The following RELN variants were observed in gnomAD, a reference collection of about 807,000 sequenced individuals.
RELN encodes reelin.
In RELN, 108 loss-of-function variants were observed where a neutral mutation model predicts 427.6. That is an observed-to-expected ratio of 0.25 (90% CI 0.22 to 0.30). The LOEUF (loss-of-function observed/expected upper bound fraction) is 0.30. Ranked by LOEUF, RELN falls within the 10% of genes least tolerant of loss-of-function variation. The probability of loss-of-function intolerance (pLI) is 1.00; values close to 1 mark genes in which losing one functional copy is unlikely to be tolerated. For missense variants in RELN, 3,715 were observed against 4,302.8 expected, an observed-to-expected ratio of 0.86 and a Z score of 3.82; for synonymous variants, 1,524 against 1,513.4, an observed-to-expected ratio of 1.01 and a Z score of -0.16.
intron 8 of RELN, among the ~76,000 whole-genome samples, chr7:103,706,576 A>T (rs554783356): frequency 6.6e-6 from 1 of 152,274 alleles, no homozygotes; most frequent in South Asian, 2.1e-4. Flanking sequence ...ATATAAACCC[A>T]TGCTTTCGAC....
At chr7:103,547,766 CA>C (rs1830331110) in intron 41 of RELN, among the ~76,000 whole-genome samples, 2 of 152,198 alleles carry the variant, frequency 1.3e-5, no homozygotes, top group Non-Finnish European at 2.9e-5. Flanking sequence ...CAAAAGCCTA[CA>C]AGGATTTTTT....
chr7:103,625,630 T>C (rs768857507), intron 20 of RELN, among the ~76,000 whole-genome samples: 11 of 152,130 alleles, frequency 7.2e-5, no homozygotes, highest in Non-Finnish European at 1.0e-4. Flanking sequence ...AGAGTAAGTA[T>C]CATTGCTCCC....
At chr7:103,606,854 C>T (rs569514854) in intron 22 of RELN, among the ~76,000 whole-genome samples, 7 of 151,974 alleles carry the variant, frequency 4.6e-5, no homozygotes, top group South Asian at 2.1e-4. Flanking sequence ...AACCACAATC[C>T]GGTATGTGAT....
intron 1 of RELN, among the ~76,000 whole-genome samples, chr7:103,979,340 A>G (rs1324443053): frequency 6.6e-6 from 1 of 152,220 alleles, no homozygotes; most frequent in African/African-American, 2.4e-5. Context: ...ACTAGACATG[A>G]CACATGCCTT....
At chr7:103,936,258 A>G (rs879288964) in intron 1 of RELN, among the ~76,000 whole-genome samples, 4 of 152,004 alleles carry the variant, frequency 2.6e-5, no homozygotes, top group Admixed American at 2.0e-4. Flanking sequence ...ATGCCCAGCT[A>G]ATTAATGTAT....
chr7:103,886,225 C>T (rs1307160171), intron 2 of RELN, among the ~76,000 whole-genome samples: 1 of 152,088 alleles, frequency 6.6e-6, no homozygotes, highest in Non-Finnish European at 1.5e-5. Flanking sequence ...ACATTGGGAC[C>T]CCATCTCTTT....
At chr7:103,493,337 T>C (rs950483682) in intron 57 of RELN, among the ~76,000 whole-genome samples, 2 of 152,188 alleles carry the variant, frequency 1.3e-5, no homozygotes, top group Admixed American at 6.5e-5. Flanking sequence ...GTTGAACATT[T>C]CAAGCTAGTT....
intron 51 of RELN, among the ~76,000 whole-genome samples, chr7:103,505,473 G>A (rs1417607323): frequency 6.6e-6 from 1 of 152,172 alleles, no homozygotes; most frequent in African/African-American, 2.4e-5. Context: ...CTGCAGCAGA[G>A]GGGCCTGACT....
At chr7:103,744,519 A>G (rs1790762439) in intron 6 of RELN, among the ~76,000 whole-genome samples, 1 of 151,730 alleles carries the variant, frequency 6.6e-6, no homozygotes, top group Non-Finnish European at 1.5e-5. Flanking sequence ...GACCACTAGC[A>G]AGACTAATAA....
At chr7:103,541,563 G>C (rs1427476303) in intron 43 of RELN, among the ~76,000 whole-genome samples, 1 of 152,180 alleles carries the variant, frequency 6.6e-6, no homozygotes, top group African/African-American at 2.4e-5. Context: ...GCTAAATAAT[G>C]GAGCTTTTAA....
chr7:103,645,868 G>C (rs1337348409), intron 16 of RELN, among the ~76,000 whole-genome samples: 1 of 151,760 alleles, frequency 6.6e-6, no homozygotes, highest in African/African-American at 2.4e-5. Flanking sequence ...CTCCAGGACA[G>C]GCCATATGTT....
intron 3 of RELN, among the ~76,000 whole-genome samples, chr7:103,826,401 C>T (rs978189942): frequency 6.7e-6 from 1 of 148,436 alleles, no homozygotes; most frequent in Non-Finnish European, 1.5e-5. Flanking sequence ...TCACAGAGGG[C>T]AAAATAAGTT....
intron 2 of RELN, among the ~76,000 whole-genome samples, chr7:103,905,384 T>C (rs2116631997): frequency 6.6e-6 from 1 of 152,314 alleles, no homozygotes; most frequent in Admixed American, 6.5e-5. Flanking sequence ...GCCAGGATGA[T>C]CAATTTCCCC....
chr7:103,794,296 C>A (rs1000875221), intron 3 of RELN, among the ~76,000 whole-genome samples: 1 of 152,100 alleles, frequency 6.6e-6, no homozygotes, highest in African/African-American at 2.4e-5. Flanking sequence ...CTAGTCTGAA[C>A]AGACGAACTG....
At chr7:103,876,183 A>T (rs1794474047) in intron 2 of RELN, among the ~76,000 whole-genome samples, 1 of 152,186 alleles carries the variant, frequency 6.6e-6, no homozygotes, top group Non-Finnish European at 1.5e-5. Flanking sequence ...GTACGGAAAG[A>T]TGAAAAGAAA....
chr7:103,495,242 G>A (rs1407286727), intron 57 of RELN, among the ~76,000 whole-genome samples: 1 of 129,130 alleles, frequency 7.7e-6, no homozygotes, highest in Non-Finnish European at 1.6e-5. Flanking sequence ...GTATGATCTT[G>A]CCTCTCAGGT....
chr7:103,627,871 T>C (rs910712637), intron 20 of RELN: 1 of 152,238 alleles, frequency 6.6e-6, no homozygotes, highest in African/African-American at 2.4e-5. Flanking sequence ...TGAAGGGATA[T>C]TGTTCTTAGG....
rs769669002 is a variant in RELN, at chr7:103,635,417, C to T, written c.2465+8G>A. On this transcript the variant is annotated splice_region_variant and intron_variant, in intron 19 of 64. Coordinates refer to ENST00000428762, the MANE Select transcript of RELN (RefSeq NM_005045.4). ...TACAACCATTTTTCCAAATGCTTTCCAACATACCTGGGCTCATGATAGCTG... is the reference window on the plus strand; with the variant it reads ...TACAACCATTTTTCCAAATGCTTTCTAACATACCTGGGCTCATGATAGCTG... 6.2e-7 allele frequency: 1 copy of T among 1,613,584 alleles called. No individual in the cohort carries two copies. The highest frequency in any genetic ancestry group is 8.5e-7 in the Non-Finnish European group (1 of 1,179,734).
intron 10 of RELN, among the ~76,000 whole-genome samples, chr7:103,693,589 T>A (rs111823884): frequency 6.8e-6 from 1 of 146,022 alleles, no homozygotes. Context: ...GTAAAAAAAA[T>A]TAAAAAGAAA....
Sources: allele counts gnomAD v4.1 joint callset (sites outside exome capture counted in the v4.1 genomes callset), GRCh38; gene constraint gnomAD v4.1.1; transcripts MANE v1.5; gene names NCBI Gene and HGNC (gene_info 2026-07-23, HGNC 2026-07-21).